MGAT4A: variants seen among roughly 807,000 people sequenced by gnomAD.
MGAT4A encodes N-acetylglucosaminyltransferase IVa.
Under a neutral mutation model 74.1 loss-of-function variants are expected in MGAT4A, and 33 were observed. The ratio of observed to expected loss-of-function variants is 0.45; its 90% CI spans 0.34 to 0.60. The LOEUF is 0.60. MGAT4A is among the 20% of genes least tolerant of loss of function. The probability of loss-of-function intolerance (pLI) is 0.02; values close to 1 mark genes in which losing one functional copy is unlikely to be tolerated. For missense variants in MGAT4A, 479 were observed against 628.3 expected (o/e 0.76, Z 2.54); for synonymous variants, 198 against 210.4 (o/e 0.94, Z 0.51).
chr2:98,622,095 T>C lies in MGAT4A; in HGVS notation c.*3471A>G, dbSNP rs985520854. On this transcript the variant is annotated 3_prime_UTR_variant, in exon 16 of 16. Coordinates refer to ENST00000393487, the MANE Select transcript of MGAT4A (RefSeq NM_012214.3). ...CTAAGATAAAGAACTTAAGAAATCT[T>C]ACATCTTAGAATCCTAGAAATGGGT... 10 of 985,256 alleles carry C rather than the reference T, an allele frequency of 1.0e-5. No individual in the cohort carries two copies. Among genetic ancestry groups the C allele is most frequent in the Non-Finnish European group, 1.1e-5 (9 of 829,826 alleles). 61.0% of individuals were successfully genotyped at this position (985,256 alleles called of 1,614,324 possible). A position where few individuals can be genotyped will look rare whatever the true frequency, so the allele number is the denominator to read the frequency against.
chr2:98,671,790 T>A (rs1027992811), intron 4 of MGAT4A, among the ~76,000 whole-genome samples: 1 of 151,532 alleles, frequency 6.6e-6, no homozygotes, highest in Admixed American at 6.6e-5. Flanking sequence ...GTGGGCCCAA[T>A]ATAATCACAA....
At chr2:98,658,153 A>G (rs1416793845) in intron 6 of MGAT4A, 65 bp downstream of exon 6, 1 of 1,027,268 alleles carries the variant, frequency 9.7e-7, no homozygotes, top group Non-Finnish European at 1.5e-6. Context: ...ATTTTCTTTT[A>G]GCAAGAAACC....
chr2:98,646,707 C>A (rs1441218030), intron 8 of MGAT4A, among the ~76,000 whole-genome samples: 2 of 152,122 alleles, frequency 1.3e-5, no homozygotes, highest in Non-Finnish European at 2.9e-5. Context: ...TTATGATGTA[C>A]CAATGAAAGC....
chr2:98,659,070 T>C (rs1575255215), intron 5 of MGAT4A, among the ~76,000 whole-genome samples: 1 of 152,040 alleles, frequency 6.6e-6, no homozygotes, highest in African/African-American at 2.4e-5. Context: ...GCATGGAGGG[T>C]AGAAGCATCA....
chr2:98,667,511 T>C (rs1194373553), intron 4 of MGAT4A, among the ~76,000 whole-genome samples: 1 of 152,178 alleles, frequency 6.6e-6, no homozygotes, highest in East Asian at 1.9e-4. Context: ...AGGAACTTGT[T>C]AGGCACTGGA....
intron 2 of MGAT4A, among the ~76,000 whole-genome samples, chr2:98,680,811 TATAAGAAGAGACAC>T (rs1702048346): frequency 6.6e-6 from 1 of 152,174 alleles, no homozygotes; most frequent in Admixed American, 6.5e-5. Context: ...ATTAAACAAT[TATAAGAAGAGACAC>T]ATAAGTTTTA....
intron 7 of MGAT4A, chr2:98,656,142 A>T: frequency 2.1e-6 from 1 of 475,356 alleles, no homozygotes; most frequent in Non-Finnish European, 3.7e-6. Flanking sequence ...TAGTTTAAGA[A>T]AACACAGTAA....
intron 3 of MGAT4A, among the ~76,000 whole-genome samples, chr2:98,677,838 AAG>A (rs1701997786): frequency 6.8e-6 from 1 of 147,244 alleles, no homozygotes; most frequent in South Asian, 2.1e-4. Flanking sequence ...TTTACTAGAA[AAG>A]AAAGTTTTGT....
intron 8 of MGAT4A, among the ~76,000 whole-genome samples, chr2:98,651,745 A>G (rs2104253087): frequency 6.6e-6 from 1 of 152,336 alleles, no homozygotes; most frequent in South Asian, 2.1e-4. Flanking sequence ...AATGGGTCAA[A>G]CATCCCAATT....
intron 2 of MGAT4A, among the ~76,000 whole-genome samples, chr2:98,706,822 G>A (rs908959327): frequency 1.3e-5 from 2 of 151,628 alleles, no homozygotes; most frequent in Admixed American, 1.3e-4. Context: ...CTCAGTCTAG[G>A]CAGGGCAGCA....
rs185750914 is a variant in MGAT4A at position 98,621,950 on chromosome 2, G to A, written c.*3616C>T. On this transcript the variant is annotated 3_prime_UTR_variant, in exon 16 of 16. Coordinates refer to ENST00000393487, the MANE Select transcript of MGAT4A (RefSeq NM_012214.3). ...AATTGTTGAACAAATACACACATAC[G>A]TATCTACAGCCTATGTGCTAAATAA... 2.1e-4 allele frequency: 212 copies of A among 992,946 alleles called. 3 individuals are homozygous for A. In the African/African-American group the frequency reaches 3.4e-3, roughly 16 times the overall value. 61.5% of individuals were successfully genotyped at this position (992,946 alleles called of 1,614,324 possible).
chr2:98,678,246 A>AT lies in MGAT4A; in HGVS notation c.262+57_262+58insA, dbSNP rs1467721714. 1.9e-3 allele frequency: 723 copies of AT among 386,610 alleles called. 1 individual carries two copies. Among genetic ancestry groups the AT allele is most frequent in the African/African-American group, 0.016 (649 of 40,734 alleles). The allele number at this position is 386,610 out of a possible 1,614,324, so 23.9% of individuals were successfully genotyped here. On this transcript the variant is annotated intron_variant, in intron 3 of 15. Coordinates refer to ENST00000393487, the MANE Select transcript of MGAT4A (RefSeq NM_012214.3). ...CTCTGTCTCAAAGAAAAAAAAAAAA[A>AT]AAAATATATATATATATATATAAAA...
chr2:98,660,450 AC>A, intron 5 of MGAT4A, among the ~76,000 whole-genome samples: 1 of 127,174 alleles, frequency 7.9e-6, no homozygotes, highest in Admixed American at 8.0e-5. Context: ...ACACACACAC[AC>A]ACACACAACA....
intron 5 of MGAT4A, 108 bp downstream of exon 5, chr2:98,662,938 A>G: frequency 2.4e-6 from 2 of 846,716 alleles, no homozygotes; most frequent in Non-Finnish European, 3.5e-6. Context: ...AGCTTTACTC[A>G]TCACATTTTT....
At chr2:98,633,517 C>T (rs1300622178) in intron 14 of MGAT4A, among the ~76,000 whole-genome samples, 6 of 152,134 alleles carry the variant, frequency 3.9e-5, no homozygotes, top group African/African-American at 9.7e-5. Context: ...GTTTTGCTAA[C>T]GAGAGGGTCA....
At chr2:98,679,747 A>G (rs1448932833) in intron 2 of MGAT4A, among the ~76,000 whole-genome samples, 1 of 152,218 alleles carries the variant, frequency 6.6e-6, no homozygotes, top group East Asian at 1.9e-4. Context: ...CTAGGAAATA[A>G]AAGTGGGCTT....
At position 98,692,291 on chromosome 2, in the gene MGAT4A, A is replaced by G. The variant is rs913494166; in HGVS notation, c.95-13820T>C. ...GTGGTTTTTTTCTTTTTTTGTAGAGACAGGGTCTCACTATATTGCCCAGGC... is the reference window on the plus strand; with the variant it reads ...GTGGTTTTTTTCTTTTTTTGTAGAGGCAGGGTCTCACTATATTGCCCAGGC... On this transcript the variant is annotated intron_variant, in intron 2 of 15. Transcript: ENST00000393487. Among the ~76,000 whole-genome samples the G allele has an allele frequency of 2.6e-5, 4 of 152,094 alleles. No individual in the cohort carries two copies. The East Asian group carries it at 7.7e-4, about 29-fold the overall frequency.
intron 4 of MGAT4A, among the ~76,000 whole-genome samples, chr2:98,670,052 CATA>C (rs1701892010): frequency 2.0e-5 from 3 of 152,320 alleles, no homozygotes; most frequent in African/African-American, 7.2e-5. Flanking sequence ...GTTACCACAA[CATA>C]ACCCAGCCTG....
At chr2:98,647,757 T>TG (rs1210915204) in intron 8 of MGAT4A, among the ~76,000 whole-genome samples, 12 of 152,244 alleles carry the variant, frequency 7.9e-5, no homozygotes, top group Non-Finnish European at 1.3e-4. Flanking sequence ...TGAAACCGTA[T>TG]GATGCTGTCA....
Sources: allele counts gnomAD v4.1 joint callset (sites outside exome capture counted in the v4.1 genomes callset), GRCh38; gene constraint gnomAD v4.1.1; transcripts MANE v1.5; gene names NCBI Gene and HGNC (gene_info 2026-07-23, HGNC 2026-07-21).